SORL1: variants seen among roughly 807,000 people sequenced by gnomAD.
SORL1 encodes sortilin-related receptor.
SORL1 carries 127 observed loss-of-function variants against 273.7 expected under a neutral mutation model. The ratio of observed to expected loss-of-function variants is 0.46; its 90% CI spans 0.40 to 0.54. The LOEUF (loss-of-function observed/expected upper bound fraction) is 0.54, where lower values mean the gene tolerates loss of function less well. Ranked by LOEUF, SORL1 falls within the 20% of genes least tolerant of loss-of-function variation. The probability of loss-of-function intolerance (pLI) is 0.00; values close to 1 mark genes in which losing one functional copy is unlikely to be tolerated. For missense variants in SORL1, 2,494 were observed against 2,846.1 expected (o/e 0.88, Z 2.81); for synonymous variants, 1,031 against 1,067.4 (o/e 0.97, Z 0.66).
Position 121,478,098 on chromosome 11 carries a change from T to G in SORL1, c.403-20T>G. ...TCTCACCAACTCTTTCTTTTTCATC[T>G]CCTTTTCTCTGTATTCCAGGTGTAC... is the stretch of plus-strand genomic sequence containing the variant. On this transcript the variant is annotated intron_variant, in intron 2 of 47. Coordinates refer to ENST00000260197, the MANE Select transcript of SORL1 (RefSeq NM_003105.6). 1.3e-6 allele frequency: 2 copies of G among 1,574,332 alleles called. No individual in the cohort carries two copies. The highest frequency in any genetic ancestry group is 1.1e-5 in the South Asian group (1 of 87,548).
chr11:121,462,203 C>CT (rs1861010560), intron 1 of SORL1, among the ~76,000 whole-genome samples: 1 of 151,996 alleles, frequency 6.6e-6, no homozygotes, highest in Admixed American at 6.6e-5. Context: ...TTTTGCAGTA[C>CT]TTTTTTTTCT....
chr11:121,480,636 T>TAG (rs1861358454), intron 3 of SORL1, among the ~76,000 whole-genome samples: 2 of 146,340 alleles, frequency 1.4e-5, no homozygotes, highest in Non-Finnish European at 3.0e-5. Context: ...CAGATACCTA[T>TAG]AGGCAGGCTT....
chr11:121,539,649 G>T (rs1454486368), intron 12 of SORL1, among the ~76,000 whole-genome samples: 1 of 151,498 alleles, frequency 6.6e-6, no homozygotes, highest in Non-Finnish European at 1.5e-5. Flanking sequence ...CTACTATGTT[G>T]TTATTCAAAG....
chr11:121,503,250 C>G (rs575877499), intron 6 of SORL1, among the ~76,000 whole-genome samples: 3 of 152,096 alleles, frequency 2.0e-5, no homozygotes, highest in Admixed American at 2.0e-4. Flanking sequence ...AAACTATTGC[C>G]TAATCTGAGG....
intron 25 of SORL1, among the ~76,000 whole-genome samples, chr11:121,580,892 A>G (rs1474364860): frequency 1.3e-5 from 2 of 150,132 alleles, no homozygotes; most frequent in South Asian, 2.1e-4. Flanking sequence ...GGTATGAGCT[A>G]CTGCACCTGG....
chr11:121,537,562 G>A (rs941391523), intron 12 of SORL1, among the ~76,000 whole-genome samples: 8 of 152,168 alleles, frequency 5.3e-5, no homozygotes, highest in African/African-American at 1.2e-4. Flanking sequence ...TCCAAGGGGC[G>A]ATGTCCAGCA....
intron 9 of SORL1, among the ~76,000 whole-genome samples, chr11:121,521,173 A>G (rs999234246): frequency 5.3e-5 from 8 of 151,936 alleles, no homozygotes; most frequent in Admixed American, 4.6e-4. Flanking sequence ...GGCTATGTGG[A>G]CACTCCCCTA....
In SORL1 at chr11:121,550,152, A is replaced by G; in HGVS notation, c.2180+64A>G. On this transcript the variant is annotated intron_variant, in intron 15 of 47. Transcript: ENST00000260197. The surrounding 1 kb of genome is among the most constrained non-coding windows in gnomAD (Gnocchi z 5.3). ...GTCCGCACATGGAGCGAGAGAGCAT[A>G]GAGGACCGTCTGGATTGCTCTACAC... 3.9e-6 allele frequency: 6 copies of G among 1,533,228 alleles called. No individual in the cohort carries two copies. Among genetic ancestry groups the G allele is most frequent in the Non-Finnish European group, 5.3e-6 (6 of 1,133,276 alleles). 95.0% of individuals were successfully genotyped at this position (1,533,228 alleles called of 1,614,324 possible).
At chr11:121,509,518 C>T (rs763975637) in intron 6 of SORL1, among the ~76,000 whole-genome samples, 1 of 152,060 alleles carries the variant, frequency 6.6e-6, no homozygotes, top group Non-Finnish European at 1.5e-5. Context: ...TGCTCTGTTG[C>T]CAGGCTGGAG....
At chr11:121,610,500 A>T (rs771574506) in intron 38 of SORL1, 1 of 152,516 alleles carries the variant, frequency 6.6e-6, no homozygotes, top group Non-Finnish European at 1.5e-5. Flanking sequence ...TCACACATAC[A>T]TTATTTTAGT....
At chr11:121,501,482 C>T (rs1861707168) in intron 6 of SORL1, among the ~76,000 whole-genome samples, 2 of 152,074 alleles carry the variant, frequency 1.3e-5, no homozygotes, top group Non-Finnish European at 2.9e-5. Context: ...CTTTATTAGT[C>T]CATTTTCATA....
intron 37 of SORL1, among the ~76,000 whole-genome samples, chr11:121,607,624 C>T (rs1020271952): frequency 4.5e-4 from 68 of 152,296 alleles, no homozygotes; most frequent in African/African-American, 1.5e-3. Flanking sequence ...CAGGATGATG[C>T]AGAGCTATGA....
chr11:121,460,394 ATT>A (rs781295199), intron 1 of SORL1, among the ~76,000 whole-genome samples: 4 of 122,914 alleles, frequency 3.3e-5, no homozygotes, highest in Non-Finnish European at 3.2e-5. Context: ...GTCATGATGA[ATT>A]TTTTTTTTTT....
chr11:121,476,328 C>T (rs1241542355), intron 2 of SORL1, among the ~76,000 whole-genome samples: 1 of 152,218 alleles, frequency 6.6e-6, no homozygotes, highest in Non-Finnish European at 1.5e-5. Context: ...CAGCTCCTTA[C>T]TGTGTATCTG....
chr11:121,623,754 G>A (rs890642566), intron 45 of SORL1, among the ~76,000 whole-genome samples: 1 of 152,200 alleles, frequency 6.6e-6, no homozygotes, highest in Admixed American at 6.5e-5. Context: ...CTTAGGTTAA[G>A]ATTCTAGGTT....
At chr11:121,606,659 C>T (rs959858749) in intron 35 of SORL1, among the ~76,000 whole-genome samples, 186 bp from the exon 36 acceptor site, 2 of 152,214 alleles carry the variant, frequency 1.3e-5, no homozygotes, top group Non-Finnish European at 2.9e-5. Context: ...GTGGACGGCA[C>T]ACCTTGCTTT....
In SORL1 at chr11:121,591,109, A is replaced by G. The variant is rs2134901013; in HGVS notation, c.4322A>G (p.Tyr1441Cys). 2.5e-6 allele frequency: 4 copies of G among 1,614,194 alleles called. No homozygotes were observed. Among genetic ancestry groups the G allele is most frequent in the Non-Finnish European group, 2.5e-6 (3 of 1,180,048 alleles). Residue 1441 changes from tyrosine to cysteine, a missense_variant, in exon 31 of 48, where the codon TAC (tyrosine) becomes TGC (cysteine). Tyr to Cys is a radical substitution (Grantham distance 194). Around this residue, in one of 3 missense-constraint regions of SORL1, gnomAD observed 1,609 missense variants for 1,816.4 expected, o/e 0.89. Coordinates refer to ENST00000260197, the MANE Select transcript of SORL1 (RefSeq NM_003105.6). ...ATGGACACCTGGGTGTGCGACGGGT[A>G]CCGAGATTGTGCAGATGGCTCTGAC... ...CVMDTWVCDG[Y>C]RDCADGSDEE... is the part of the protein sequence containing the mutation.
Position 121,462,342 on chromosome 11 carries a change from T to A in SORL1, c.286-7665T>A, listed in dbSNP as rs184995886. Among the ~76,000 whole-genome samples the A allele has an allele frequency of 3.3e-4, 50 of 152,264 alleles. No homozygotes were observed. In the East Asian group the frequency reaches 9.1e-3, roughly 28 times the overall value. ...GGCTTCTGCTCTGCCCTGCCTTAGG[T>A]CTGGGTCCATGTTCTCTGCCTCACT... On this transcript the variant is annotated intron_variant, in intron 1 of 47. Transcript: ENST00000260197.
intron 12 of SORL1, among the ~76,000 whole-genome samples, chr11:121,541,565 C>T (rs548921968): frequency 3.2e-4 from 48 of 151,960 alleles, no homozygotes; most frequent in Non-Finnish European, 5.7e-4. Flanking sequence ...AATGATGTCA[C>T]GAAAAGATTT....
Sources: allele counts gnomAD v4.1 joint callset (sites outside exome capture counted in the v4.1 genomes callset), GRCh38; gene constraint gnomAD v4.1.1; regional missense constraint gnomAD v4.1.1; non-coding constraint Gnocchi (gnomAD v3.1); transcripts MANE v1.5; gene names NCBI Gene and HGNC (gene_info 2026-07-23, HGNC 2026-07-21).